Variants in CCDC34 observed in about 807,000 individuals in gnomAD.
The protein encoded by CCDC34 is coiled-coil domain containing 34, also known as coiled-coil domain-containing protein 34.
Under a neutral mutation model 44.1 loss-of-function variants are expected in CCDC34, and 40 were observed. The ratio of observed to expected loss-of-function variants is 0.91; its 90% CI spans 0.70 to 1.18. The LOEUF (loss-of-function observed/expected upper bound fraction) is 1.18. Among genes scored for constraint, CCDC34 ranks in the 50% most tolerant of loss-of-function variants. CCDC34 has a pLI of 0.00. For synonymous variants in CCDC34, 159 were observed against 158.2 expected (o/e 1.01, Z -0.04); for missense variants, 466 against 452.3 (o/e 1.03, Z -0.28).
chr11:27,344,104 T>C (rs1862400713), intron 3 of CCDC34, among the ~76,000 whole-genome samples: 1 of 152,158 alleles, frequency 6.6e-6, no homozygotes, highest in African/African-American at 2.4e-5. Context: ...TTGATTCCAT[T>C]ACAGTTAAAG....
chr11:27,345,961 T>G (rs1391451705), intron 3 of CCDC34, among the ~76,000 whole-genome samples: 1 of 152,112 alleles, frequency 6.6e-6, no homozygotes, highest in Non-Finnish European at 1.5e-5. Context: ...TTTCCTGACT[T>G]TTTAATGATT....
At chr11:27,343,335 G>C (rs534321207) in intron 3 of CCDC34, among the ~76,000 whole-genome samples, 1 of 151,564 alleles carries the variant, frequency 6.6e-6, no homozygotes, top group East Asian at 1.9e-4. Context: ...CCAGGAGGCG[G>C]AGGTTGCAGT....
chr11:27,349,281 CA>C, intron 3 of CCDC34: 1 of 919,448 alleles, frequency 1.1e-6, no homozygotes, highest in Non-Finnish European at 1.3e-6. Flanking sequence ...AGATCTCTTT[CA>C]TGTTATATCA....
chr11:27,349,786 A>T, intron 3 of CCDC34: 1 of 951,966 alleles, frequency 1.1e-6, no homozygotes, highest in Non-Finnish European at 1.3e-6. Flanking sequence ...AACTGAACAA[A>T]AGAGGCAAAA....
In CCDC34 at chr11:27,362,008, G is replaced by C. The variant is rs377646865; in HGVS notation, c.359+828C>G. Among the ~76,000 whole-genome samples, 14 of 152,296 alleles carry C rather than the reference G, an allele frequency of 9.2e-5. No individual in the cohort carries two copies. The East Asian group carries it at 1.7e-3, about 19-fold the overall frequency. On this transcript the variant is annotated intron_variant, in intron 1 of 5. Transcript: ENST00000328697. ...GCATGCAGTTTAGGAAAGAGAACATGATCTGTCTATCTTCGTAGTAGACCC... is the reference window on the plus strand; with the variant it reads ...GCATGCAGTTTAGGAAAGAGAACATCATCTGTCTATCTTCGTAGTAGACCC...
chr11:27,346,474 A>AGGAAG lies in CCDC34; in HGVS notation c.606+3857_606+3858insCTTCC, dbSNP rs373318144. On this transcript the variant is annotated intron_variant, in intron 3 of 5. Coordinates refer to ENST00000328697, the MANE Select transcript of CCDC34 (RefSeq NM_030771.2). ...AAGGAAGGGAGGGAAGACAGAGGAA[A>AGGAAG]GAAGGAAGGAAGGAAGGAAGGAAGG... Among the ~76,000 whole-genome samples the AGGAAG allele has an allele frequency of 1.6e-4, 21 of 128,046 alleles. No homozygotes were observed. The Admixed American group carries it at 1.7e-3, about 11-fold the overall frequency. 84.0% of individuals were successfully genotyped at this position (128,046 alleles called of 152,430 possible).
chr11:27,356,970 A>G (rs1292813003), intron 2 of CCDC34, among the ~76,000 whole-genome samples: 2 of 130,894 alleles, frequency 1.5e-5, no homozygotes, highest in Non-Finnish European at 3.2e-5. Context: ...TCTTGCCTCT[A>G]TTTTGTTTCA....
chr11:27,340,646 T>C, intron 5 of CCDC34, 50 bp downstream of exon 5: 2 of 1,532,286 alleles, frequency 1.3e-6, no homozygotes, highest in Non-Finnish European at 1.8e-6. Context: ...GAGTATAATA[T>C]TTGCTTCTGC....
chr11:27,360,055 T>C (rs187654878), intron 1 of CCDC34, among the ~76,000 whole-genome samples: 3 of 152,346 alleles, frequency 2.0e-5, no homozygotes, highest in East Asian at 3.9e-4. Flanking sequence ...TTTTAAGAAA[T>C]GACACTTTGA....
intron 1 of CCDC34, among the ~76,000 whole-genome samples, chr11:27,360,761 A>C (rs1862650831): frequency 6.6e-6 from 1 of 152,324 alleles, no homozygotes; most frequent in South Asian, 2.1e-4. Flanking sequence ...TATTCTGAAA[A>C]CATACTGATT....
chr11:27,354,138 TATA>T (rs1862539915), intron 2 of CCDC34, among the ~76,000 whole-genome samples: 2 of 152,224 alleles, frequency 1.3e-5, no homozygotes, highest in Admixed American at 1.3e-4. Flanking sequence ...GTAGTTGGCC[TATA>T]TGTTAGGATA....
chr11:27,352,860 C>G (rs950989230), intron 2 of CCDC34, among the ~76,000 whole-genome samples: 11 of 152,228 alleles, frequency 7.2e-5, no homozygotes, highest in Non-Finnish European at 1.2e-4. Context: ...GATGTCTGTT[C>G]AAGTAATTTG....
At position 27,350,230 on chromosome 11, in the gene CCDC34, C is replaced by T. The variant is rs779857663; in HGVS notation, c.606+102G>A. On this transcript the variant is annotated intron_variant, in intron 3 of 5. Coordinates refer to ENST00000328697, the MANE Select transcript of CCDC34 (RefSeq NM_030771.2). Reference sequence around the variant, plus strand: ...AACAAAACAAGCCAAAGAAGAAAGACTCTAAGAGAAGTATTTTTTAAAACC... The same window carrying T: ...AACAAAACAAGCCAAAGAAGAAAGATTCTAAGAGAAGTATTTTTTAAAACC... 4.4e-6 allele frequency: 7 copies of T among 1,600,464 alleles called. No homozygotes were observed. The South Asian group carries it at 4.6e-5, about 10-fold the overall frequency.
intron 3 of CCDC34, among the ~76,000 whole-genome samples, chr11:27,344,749 A>C (rs1862410285): frequency 6.6e-6 from 1 of 152,022 alleles, no homozygotes; most frequent in East Asian, 1.9e-4. Context: ...TAAGATAGGA[A>C]TTTTCTCCAA....
At chr11:27,345,392 T>G (rs1038443889) in intron 3 of CCDC34, among the ~76,000 whole-genome samples, 1 of 152,162 alleles carries the variant, frequency 6.6e-6, no homozygotes, top group African/African-American at 2.4e-5. Context: ...CCATTAACTC[T>G]TCATTTAGCA....
intron 2 of CCDC34, among the ~76,000 whole-genome samples, chr11:27,356,773 G>A (rs1279574060): frequency 6.6e-6 from 1 of 150,710 alleles, no homozygotes; most frequent in South Asian, 2.1e-4. Flanking sequence ...CATAAGTGAG[G>A]GAGGCACAGA....
chr11:27,349,718 CT>C, intron 3 of CCDC34: 1 of 976,618 alleles, frequency 1.0e-6, no homozygotes. Context: ...AACATCTTCA[CT>C]CAATTAAACT....
In CCDC34 at chr11:27,340,763, C is replaced by T. The variant is rs541912217; in HGVS notation, c.840G>A (p.Leu280=). 5 of 1,613,818 alleles carry T rather than the reference C, an allele frequency of 3.1e-6. No individual in the cohort carries two copies. The highest frequency in any genetic ancestry group is 1.3e-5 in the African/African-American group (1 of 75,012). Residue 280 remains leucine, a synonymous_variant, in exon 5 of 6, where the codon TTG becomes TTA. Coordinates refer to ENST00000328697, the MANE Select transcript of CCDC34 (RefSeq NM_030771.2). Reference sequence around the variant, plus strand: ...GACGAGGTTTATGTTTCGCATTTTCCAACCATTCTTGAAACTTTTTTTCTG... The same window carrying T: ...GACGAGGTTTATGTTTCGCATTTTCTAACCATTCTTGAAACTTTTTTTCTG... ...EIAEKKFQEW[L]ENAKHKPRPA...
At position 27,349,938 on chromosome 11, in the gene CCDC34, T is replaced by C. The variant is rs1216113997; in HGVS notation, c.606+394A>G. 6.6e-6 allele frequency: 7 copies of C among 1,054,678 alleles called. No individual in the cohort carries two copies. In the South Asian group the frequency reaches 2.2e-4, roughly 33 times the overall value. The allele number at this position is 1,054,678 out of a possible 1,614,324, so 65.3% of individuals were successfully genotyped here. A position where few individuals can be genotyped will look rare whatever the true frequency, so the allele number is the denominator to read the frequency against. ...ATTAGGAACAACAGAAGAATTCTAATTAAGCCTTGATGACCGAGAAGACAG... is the reference window on the plus strand; with the variant it reads ...ATTAGGAACAACAGAAGAATTCTAACTAAGCCTTGATGACCGAGAAGACAG... On this transcript the variant is annotated intron_variant, in intron 3 of 5. Coordinates refer to ENST00000328697, the MANE Select transcript of CCDC34 (RefSeq NM_030771.2).
Sources: gnomAD v4.1 joint callset for allele counts (sites outside exome capture counted in the v4.1 genomes callset) on GRCh38, gnomAD v4.1.1 for gene constraint, MANE v1.5 for transcripts, NCBI Gene and HGNC (gene_info 2026-07-23, HGNC 2026-07-21) for gene names.